The following NEK11 variants were observed in gnomAD, a reference collection of about 807,000 sequenced individuals.
NEK11 encodes the protein NIMA related kinase 11, also known as serine/threonine-protein kinase Nek11.
NEK11 carries 72 observed loss-of-function variants against 80.7 expected under a neutral mutation model. The observed-to-expected ratio is 0.89, with a 90% CI of 0.74 to 1.08. The LOEUF is 1.08. Ranked by LOEUF, NEK11 falls within the 50% of genes least tolerant of loss-of-function variation. The probability of loss-of-function intolerance (pLI) is 0.00; values close to 1 mark genes in which losing one functional copy is unlikely to be tolerated. For missense variants in NEK11, 764 were observed against 763.6 expected, an observed-to-expected ratio of 1.00 and a Z score of -0.01; for synonymous variants, 251 against 260.7, an observed-to-expected ratio of 0.96 and a Z score of 0.36.
At chr3:131,327,190 A>G (rs1345653500) in intron 17 of NEK11, 3 of 152,312 alleles carry the variant, frequency 2.0e-5, no homozygotes, top group African/African-American at 7.2e-5. Context: ...GGATTCCACA[A>G]GTCTCTGCCC....
chr3:131,278,033 A>G (rs2096328143), intron 17 of NEK11, among the ~76,000 whole-genome samples: 1 of 152,254 alleles, frequency 6.6e-6, no homozygotes, highest in African/African-American at 2.4e-5. Flanking sequence ...GTGATGTTTT[A>G]TACCTGAGGG....
chr3:131,264,645 G>A (rs750102096), intron 16 of NEK11, among the ~76,000 whole-genome samples: 28 of 152,192 alleles, frequency 1.8e-4, no homozygotes, highest in East Asian at 3.9e-4. Flanking sequence ...GTCAGGTAGC[G>A]TGATACCTCC....
intron 17 of NEK11, among the ~76,000 whole-genome samples, chr3:131,296,283 T>G (rs2096592417): frequency 6.6e-6 from 1 of 152,186 alleles, no homozygotes; most frequent in Non-Finnish European, 1.5e-5. Context: ...AGAAAATATA[T>G]GTACACACAC....
chr3:131,097,752 A>G (rs1352536323), intron 4 of NEK11, among the ~76,000 whole-genome samples: 3 of 147,314 alleles, frequency 2.0e-5, no homozygotes, highest in African/African-American at 7.4e-5. Flanking sequence ...TATAGATTCA[A>G]TGCCATCCCC....
chr3:131,117,948 G>T (rs1165814687), intron 5 of NEK11, among the ~76,000 whole-genome samples: 2 of 151,982 alleles, frequency 1.3e-5, no homozygotes, highest in African/African-American at 2.4e-5. Context: ...CTCTTTTCCT[G>T]ATTGAATACC....
At chr3:131,124,852 G>A (rs550769591) in intron 5 of NEK11, among the ~76,000 whole-genome samples, 65 of 152,136 alleles carry the variant, frequency 4.3e-4, no homozygotes, top group Non-Finnish European at 7.8e-4. Flanking sequence ...GGTTTATAGA[G>A]TCAAAGAGAC....
At chr3:131,114,190 G>A (rs542027243) in intron 5 of NEK11, among the ~76,000 whole-genome samples, 1 of 152,128 alleles carries the variant, frequency 6.6e-6, no homozygotes, top group African/African-American at 2.4e-5. Context: ...TATAAAACAT[G>A]TTTCCTTCAG....
intron 17 of NEK11, among the ~76,000 whole-genome samples, chr3:131,311,457 A>C (rs1187008390): frequency 6.6e-6 from 1 of 152,186 alleles, no homozygotes; most frequent in Non-Finnish European, 1.5e-5. Flanking sequence ...TCTGTGACTT[A>C]CTAGTCCTGT....
At chr3:131,238,152 C>T (rs992622333) in intron 15 of NEK11, among the ~76,000 whole-genome samples, 18 of 152,166 alleles carry the variant, frequency 1.2e-4, no homozygotes, top group African/African-American at 3.9e-4. Context: ...GTCTTCAAGT[C>T]TCTGTTTATA....
intron 3 of NEK11, among the ~76,000 whole-genome samples, chr3:131,079,975 CAAAG>C (rs1482218513): frequency 6.6e-6 from 1 of 150,390 alleles, no homozygotes; most frequent in African/African-American, 2.5e-5. Flanking sequence ...GAAAGATAGG[CAAAG>C]AAAGAATAAG....
intron 3 of NEK11, among the ~76,000 whole-genome samples, chr3:131,038,682 CT>C (rs1296288869): frequency 6.6e-6 from 1 of 152,120 alleles, no homozygotes; most frequent in Non-Finnish European, 1.5e-5. Context: ...AAAAATAATT[CT>C]TTTTTCTTAC....
chr3:131,052,046 A>G (rs1010308743), intron 3 of NEK11, among the ~76,000 whole-genome samples: 3 of 151,834 alleles, frequency 2.0e-5, no homozygotes, highest in Admixed American at 6.6e-5. Context: ...GAATTGCTTT[A>G]TGCACACATT....
chr3:131,343,935 G>T (rs2097324157), intron 17 of NEK11, among the ~76,000 whole-genome samples: 1 of 152,112 alleles, frequency 6.6e-6, no homozygotes, highest in Admixed American at 6.5e-5. Flanking sequence ...TCATTGTCTG[G>T]ATATTTACAC....
At chr3:131,084,985 T>G (rs1005590726) in intron 4 of NEK11, among the ~76,000 whole-genome samples, 1 of 152,204 alleles carries the variant, frequency 6.6e-6, no homozygotes, top group Non-Finnish European at 1.5e-5. Flanking sequence ...AAATTTGTCA[T>G]TATTGGTGGA....
At chr3:131,212,736 T>C (rs544382361) in intron 14 of NEK11, among the ~76,000 whole-genome samples, 1 of 152,382 alleles carries the variant, frequency 6.6e-6, no homozygotes, top group South Asian at 2.1e-4. Context: ...ATCTGAGTTC[T>C]GTTTGGCAAC....
chr3:131,067,842 A>G (rs181771328), intron 3 of NEK11, among the ~76,000 whole-genome samples: 22 of 152,318 alleles, frequency 1.4e-4, no homozygotes, highest in Admixed American at 9.8e-4. Context: ...ACCAGTGCAA[A>G]CTATAGTTTA....
chr3:131,160,897 A>C (rs2091461650), intron 10 of NEK11, among the ~76,000 whole-genome samples: 1 of 152,230 alleles, frequency 6.6e-6, no homozygotes, highest in Non-Finnish European at 1.5e-5. Flanking sequence ...ACATGCACCC[A>C]ATACAGGAGC....
At chr3:131,170,707 T>C in intron 13 of NEK11, 66 bp from the exon 14 acceptor site, 1 of 966,448 alleles carries the variant, frequency 1.0e-6, no homozygotes, top group Non-Finnish European at 1.7e-6. Flanking sequence ...AGAATATTTT[T>C]TTCATTTGTG....
rs141334028 is a variant in NEK11 at position 131,261,176 on chromosome 3, T to C, written c.1622-12302T>C. ...AAATAACTTTGCTGGTGAGAGACCA[T>C]AGAAGTAGGAGGAATCCTGACAATA... is the stretch of plus-strand genomic sequence containing the variant. On this transcript the variant is annotated intron_variant, in intron 16 of 17. Coordinates refer to ENST00000383366, the MANE Select transcript of NEK11 (RefSeq NM_024800.5). Among the ~76,000 whole-genome samples, 21 of 152,248 alleles carry C rather than the reference T, an allele frequency of 1.4e-4. No individual in the cohort carries two copies. In the East Asian group the frequency reaches 3.7e-3, roughly 27 times the overall value.
Sources: allele counts gnomAD v4.1 joint callset (sites outside exome capture counted in the v4.1 genomes callset), GRCh38; gene constraint gnomAD v4.1.1; transcripts MANE v1.5; gene names NCBI Gene and HGNC (gene_info 2026-07-23, HGNC 2026-07-21).